Variants in DNAH14 observed in about 807,000 individuals in gnomAD.
The protein encoded by DNAH14 is axonemal beta dynein heavy chain 14.
In DNAH14, 478 loss-of-function variants were observed where a neutral mutation model predicts 520.9. The observed-to-expected ratio is 0.92, with a 90% CI of 0.85 to 0.99. The LOEUF (loss-of-function observed/expected upper bound fraction) is 0.99, where lower values mean the gene tolerates loss of function less well. DNAH14 is among the 50% of genes least tolerant of loss of function. The probability of loss-of-function intolerance (pLI) is 0.00; values close to 1 mark genes in which losing one functional copy is unlikely to be tolerated. For missense variants in DNAH14, 4,831 were observed against 5,234.5 expected (o/e 0.92, Z 2.38); for synonymous variants, 1,581 against 1,757.2 (o/e 0.90, Z 2.51).
intron 27 of DNAH14, among the ~76,000 whole-genome samples, chr1:225,125,628 G>A (rs986519063): frequency 6.6e-6 from 1 of 152,196 alleles, no homozygotes; most frequent in African/African-American, 2.4e-5. Context: ...TTAAGGAAAT[G>A]TTATGGCTGG....
chr1:225,014,063 G>A (rs899192583), intron 10 of DNAH14, among the ~76,000 whole-genome samples: 2 of 152,160 alleles, frequency 1.3e-5, no homozygotes, highest in Non-Finnish European at 2.9e-5. Context: ...TTTTGTGTTT[G>A]AAACCCAGGG....
chr1:225,022,138 CA>C (rs2065755400), intron 10 of DNAH14, among the ~76,000 whole-genome samples: 4 of 152,140 alleles, frequency 2.6e-5, no homozygotes, highest in Admixed American at 2.0e-4. Flanking sequence ...AGACCTAAAA[CA>C]GTACAAACCC....
intron 48 of DNAH14, among the ~76,000 whole-genome samples, chr1:225,265,714 C>T (rs2093088335): frequency 6.6e-6 from 1 of 152,028 alleles, no homozygotes; most frequent in Non-Finnish European, 1.5e-5. Context: ...AGTTTCAATT[C>T]AATTTCAGGA....
chr1:225,288,604 C>T (rs1321552689), intron 54 of DNAH14, among the ~76,000 whole-genome samples: 3 of 152,016 alleles, frequency 2.0e-5, no homozygotes, highest in Admixed American at 2.0e-4. Flanking sequence ...GGCAATTTTT[C>T]TGTGAGTCTA....
chr1:225,032,951 AAG>A (rs1558738952), intron 11 of DNAH14, among the ~76,000 whole-genome samples: 2 of 13,508 alleles, frequency 1.5e-4, no homozygotes. Context: ...AAATTTGTTT[AAG>A]TTCCTTATAT....
intron 30 of DNAH14, 128 bp downstream of exon 30, chr1:225,145,507 A>AG: frequency 1.5e-6 from 1 of 685,934 alleles, no homozygotes; most frequent in Non-Finnish European, 2.2e-6. Flanking sequence ...AGAACTTTAA[A>AG]TGCTGTTACT....
rs1373271992 is a variant in DNAH14 at position 225,023,619 on chromosome 1, C to T, written c.1112C>T (p.Ala371Val). 3 of 1,509,464 alleles carry T rather than the reference C, an allele frequency of 2.0e-6. No individual in the cohort carries two copies. Among genetic ancestry groups the T allele is most frequent in the Non-Finnish European group, 2.7e-6 (3 of 1,122,784 alleles). 93.5% of individuals were successfully genotyped at this position (1,509,464 alleles called of 1,614,324 possible). ...SEMKSTFLKV[A>V]EKNEIKEYFE... ...CAATTGTTTTTTAAATTGTAGGTTGCAGAAAAGAATGAAATCAAAGAGTAT... is the reference window on the plus strand; with the variant it reads ...CAATTGTTTTTTAAATTGTAGGTTGTAGAAAAGAATGAAATCAAAGAGTAT... Residue 371 changes from alanine (A) to valine (V), a missense_variant, in exon 11 of 86, where the codon GCA becomes GTA. Transcript: ENST00000682510.
intron 7 of DNAH14, 95 bp downstream of exon 7, chr1:224,968,969 A>G: frequency 1.3e-6 from 1 of 744,906 alleles, no homozygotes; most frequent in Non-Finnish European, 2.1e-6. Flanking sequence ...CAGTAATACC[A>G]GTAGAAAATA....
chr1:225,284,769 T>C (rs1473171127), intron 54 of DNAH14, among the ~76,000 whole-genome samples: 1 of 152,128 alleles, frequency 6.6e-6, no homozygotes, highest in Non-Finnish European at 1.5e-5. Flanking sequence ...CAGCAACATA[T>C]AGCAAGTATT....
At chr1:225,346,983 A>G (rs754931871) in intron 71 of DNAH14, among the ~76,000 whole-genome samples, 3 of 152,168 alleles carry the variant, frequency 2.0e-5, no homozygotes, top group Non-Finnish European at 4.4e-5. Context: ...TCTTACGAAA[A>G]CCTGGTTGAA....
At chr1:224,988,449 G>A (rs974148080) in intron 8 of DNAH14, among the ~76,000 whole-genome samples, 2 of 152,132 alleles carry the variant, frequency 1.3e-5, no homozygotes, top group Non-Finnish European at 2.9e-5. Context: ...TTAGAATGGC[G>A]ATTATTAGTC....
intron 8 of DNAH14, 33 bp from the exon 9 acceptor site, chr1:225,002,749 AG>A: frequency 6.5e-7 from 1 of 1,527,550 alleles, no homozygotes; most frequent in Non-Finnish European, 8.8e-7. Context: ...ATTTTGAATG[AG>A]AGATATATCT....
At chr1:225,035,543 C>A (rs1279522425) in intron 11 of DNAH14, among the ~76,000 whole-genome samples, 1 of 151,484 alleles carries the variant, frequency 6.6e-6, no homozygotes, top group Non-Finnish European at 1.5e-5. Context: ...CACCTATATA[C>A]TTCCCTGTTA....
chr1:225,377,240 T>C lies in DNAH14; in HGVS notation c.12520T>C (p.Cys4174Arg), dbSNP rs940486277. ...DDFSFSSDGI[C>R]LPVPGSASIK... ...TAACAAAATGTTAAATTTTCAGATA[T>C]GTCTGCCAGTTCCAGGATCTGCAAG... The change falls in exon 79 of 86, where the codon TGT becomes CGT. Residue 4174 changes from cysteine to arginine, a missense_variant. By Grantham distance (180) the Cys-to-Arg change is radical. Transcript: ENST00000682510. The C allele has an allele frequency of 1.2e-5, 17 of 1,384,136 alleles. No homozygotes were observed. In the African/African-American group the frequency reaches 1.9e-4, roughly 16 times the overall value. The allele number at this position is 1,384,136 out of a possible 1,614,324, so 85.7% of individuals were successfully genotyped here. A position where few individuals can be genotyped will look rare whatever the true frequency, so the allele number is the denominator to read the frequency against.
intron 8 of DNAH14, among the ~76,000 whole-genome samples, chr1:224,995,834 C>A (rs1030644408): frequency 1.3e-5 from 2 of 152,036 alleles, no homozygotes; most frequent in Admixed American, 6.5e-5. Context: ...TTGAAACTCT[C>A]TATTGCATTA....
At chr1:225,325,186 TA>T (rs969823169) in intron 64 of DNAH14, among the ~76,000 whole-genome samples, 1 of 151,046 alleles carries the variant, frequency 6.6e-6, no homozygotes, top group African/African-American at 2.4e-5. Context: ...CTGTGTTCTT[TA>T]AAAAAAACTG....
intron 10 of DNAH14, among the ~76,000 whole-genome samples, chr1:225,015,578 A>T (rs2147949780): frequency 1.3e-5 from 2 of 152,302 alleles, no homozygotes; most frequent in Middle Eastern, 3.4e-3. Flanking sequence ...TGACGAACTT[A>T]TTCTGTTTGG....
At chr1:225,178,264 A>C (rs1316124674) in intron 36 of DNAH14, among the ~76,000 whole-genome samples, 2 of 152,198 alleles carry the variant, frequency 1.3e-5, no homozygotes, top group Admixed American at 1.3e-4. Flanking sequence ...GGGAAGAAAA[A>C]GAGATTTAAT....
intron 64 of DNAH14, among the ~76,000 whole-genome samples, chr1:225,329,795 G>A (rs1362207043): frequency 6.6e-6 from 1 of 151,962 alleles, no homozygotes; most frequent in Non-Finnish European, 1.5e-5. Flanking sequence ...GCAAACACGG[G>A]CTAATGGGAT....
Sources: gnomAD v4.1 joint callset for allele counts (sites outside exome capture counted in the v4.1 genomes callset) on GRCh38, gnomAD v4.1.1 for gene constraint, MANE v1.5 for transcripts, NCBI Gene and HGNC (gene_info 2026-07-23, HGNC 2026-07-21) for gene names.